Variants in TENM3 observed in about 807,000 individuals in gnomAD.
TENM3 encodes teneurin-3.
TENM3 carries 63 observed loss-of-function variants against 255.1 expected under a neutral mutation model. The observed-to-expected ratio is 0.25, with a 90% CI of 0.20 to 0.30. The LOEUF is 0.30. Among genes scored for constraint, TENM3 ranks in the 10% least tolerant of loss-of-function variants. The pLI, the probability that TENM3 is intolerant of heterozygous loss-of-function variation, is 1.00. For synonymous variants in TENM3, 1,306 were observed against 1,322.3 expected (o/e 0.99, Z 0.27); for missense variants, 2,929 against 3,461.1 (o/e 0.85, Z 3.86).
At chr4:181,701,282 A>T in the TENM3 span, among the ~76,000 whole-genome samples, 1 of 152,206 alleles carries the variant, frequency 6.6e-6, no homozygotes, top group Middle Eastern at 3.2e-3. Context: ...ACCAGCAGAT[A>T]ATTGTTACTA....
chr4:182,793,148 T>C lies in TENM3; in HGVS notation c.6476T>C (p.Leu2159Pro). 6.2e-7 allele frequency: 1 copy of C among 1,614,000 alleles called. No homozygotes were observed. The highest frequency in any genetic ancestry group is 8.5e-7 in the Non-Finnish European group (1 of 1,179,906). ...WRYNYDLNGNLHLLNPSNSAR... is the reference protein window; with the variant it reads ...WRYNYDLNGNPHLLNPSNSAR... ...TACAACTACGATCTGAATGGAAACC[T>C]CCATTTACTGAACCCAAGTAACAGT... The change falls in exon 26 of 28, where the codon CTC becomes CCC. Residue 2159 changes from leucine to proline, a missense_variant. Around this residue, in one of 6 missense-constraint regions of TENM3, gnomAD observed 256 missense variants for 389.3 expected, o/e 0.66. Coordinates refer to ENST00000511685, the MANE Select transcript of TENM3 (RefSeq NM_001080477.4). The surrounding 1 kb of genome is among the most constrained non-coding windows in gnomAD (Gnocchi z 5.7).
At chr4:181,763,070 T>C in the TENM3 span, among the ~76,000 whole-genome samples, 1 of 152,234 alleles carries the variant, frequency 6.6e-6, no homozygotes, top group South Asian at 2.1e-4. Flanking sequence ...AAGTGGATGA[T>C]GATTGATGAC....
At chr4:182,315,718 G>C (rs1284500084) in intron 1 of TENM3, among the ~76,000 whole-genome samples, 1 of 151,644 alleles carries the variant, frequency 6.6e-6, no homozygotes, top group Non-Finnish European at 1.5e-5. Flanking sequence ...CTGGAATTTT[G>C]ACCACATGTA....
At chr4:182,609,005 C>T (rs756664728) in intron 4 of TENM3, among the ~76,000 whole-genome samples, 3 of 149,418 alleles carry the variant, frequency 2.0e-5, no homozygotes, top group African/African-American at 5.2e-5. Flanking sequence ...GCTGGAGGGA[C>T]TGGAGGGTAT....
At chr4:182,477,485 C>T (rs1733786056) in intron 3 of TENM3, among the ~76,000 whole-genome samples, 1 of 152,160 alleles carries the variant, frequency 6.6e-6, no homozygotes, top group Admixed American at 6.6e-5. Context: ...TTTATGGTCA[C>T]AGAGTTCCTA....
intron 3 of TENM3, among the ~76,000 whole-genome samples, chr4:182,414,991 A>C (rs896895945): frequency 6.6e-6 from 1 of 152,230 alleles, no homozygotes; most frequent in Non-Finnish European, 1.5e-5. Flanking sequence ...CTAGTTTTCA[A>C]CCTTCGTTAT....
chr4:182,350,159 G>A (rs182912771), intron 3 of TENM3: 1 of 155,428 alleles, frequency 6.4e-6, no homozygotes, highest in African/African-American at 2.4e-5. Context: ...TTGATAAAGA[G>A]GCCAACAGTT....
At chr4:182,178,326 T>C (rs984097572) in intron 1 of TENM3, among the ~76,000 whole-genome samples, 1 of 152,126 alleles carries the variant, frequency 6.6e-6, no homozygotes, top group Non-Finnish European at 1.5e-5. Context: ...AGCCCAGGGA[T>C]AGAACTTTCC....
chr4:181,590,383 A>G, the TENM3 span, among the ~76,000 whole-genome samples: 1 of 152,000 alleles, frequency 6.6e-6, no homozygotes, highest in Admixed American at 6.6e-5. Context: ...GAGAAAACAA[A>G]CTCCTGTCCG....
At chr4:181,647,591 A>G in the TENM3 span, among the ~76,000 whole-genome samples, 17 of 152,166 alleles carry the variant, frequency 1.1e-4, no homozygotes, top group Non-Finnish European at 1.8e-4. Flanking sequence ...CGCAAGATAA[A>G]ACAACAAATA....
intron 22 of TENM3, among the ~76,000 whole-genome samples, chr4:182,772,358 A>G (rs1454563010): frequency 6.6e-6 from 1 of 152,124 alleles, no homozygotes; most frequent in Non-Finnish European, 1.5e-5. Context: ...CTGCCCTGGT[A>G]ACCTGTCTTT....
At chr4:182,747,130 AAG>A (rs1328640842) in intron 19 of TENM3, among the ~76,000 whole-genome samples, 1 of 152,158 alleles carries the variant, frequency 6.6e-6, no homozygotes, top group African/African-American at 2.4e-5. Flanking sequence ...TAGGAAGAAA[AAG>A]AAATGGAAAA....
rs865996829 is a variant in TENM3 at position 182,616,522 on chromosome 4, T to A, written c.750-12129T>A. Among the ~76,000 whole-genome samples the A allele has an allele frequency of 7.4e-3, 700 of 94,048 alleles. 1 individual carries two copies. Among genetic ancestry groups the A allele is most frequent in the Non-Finnish European group, 8.5e-3 (423 of 50,026 alleles). 61.7% of individuals were successfully genotyped at this position (94,048 alleles called of 152,430 possible). A position where few individuals can be genotyped will look rare whatever the true frequency, so the allele number is the denominator to read the frequency against. On this transcript the variant is annotated intron_variant, in intron 4 of 27. Transcript: ENST00000511685. ...ATGTACCCTAAAACTTAAAGTATAATAAAAAAAAAAAAAAAAAGGTCAGGA... is the reference window on the plus strand; with the variant it reads ...ATGTACCCTAAAACTTAAAGTATAAAAAAAAAAAAAAAAAAAAGGTCAGGA...
chr4:181,968,746 G>A, the TENM3 span, among the ~76,000 whole-genome samples: 66 of 152,166 alleles, frequency 4.3e-4, no homozygotes, highest in East Asian at 1.2e-3. Context: ...GAGATCTTTC[G>A]TACAACATTG....
chr4:182,291,628 T>C (rs774751332), intron 1 of TENM3, among the ~76,000 whole-genome samples: 7 of 152,134 alleles, frequency 4.6e-5, no homozygotes, highest in African/African-American at 1.4e-4. Flanking sequence ...CGTTATGTGA[T>C]GTGCTTCAGG....
At chr4:181,763,613 A>C in the TENM3 span, among the ~76,000 whole-genome samples, 1 of 152,214 alleles carries the variant, frequency 6.6e-6, no homozygotes, top group East Asian at 1.9e-4. Flanking sequence ...TTAATTATCT[A>C]TGGCTGCTTT....
chr4:182,028,138 GA>G, the TENM3 span, among the ~76,000 whole-genome samples: 1 of 152,194 alleles, frequency 6.6e-6, no homozygotes, highest in African/African-American at 2.4e-5. Flanking sequence ...TCACGGCTTT[GA>G]TCTCATTACT....
At chr4:182,374,027 G>A (rs1304790529) in intron 3 of TENM3, among the ~76,000 whole-genome samples, 1 of 151,318 alleles carries the variant, frequency 6.6e-6, no homozygotes, top group Non-Finnish European at 1.5e-5. Context: ...ACCTACCAGT[G>A]TGTATAGTAT....
intron 1 of TENM3, among the ~76,000 whole-genome samples, chr4:182,283,233 T>C (rs1323992418): frequency 9.2e-5 from 14 of 152,254 alleles, no homozygotes; most frequent in Non-Finnish European, 1.6e-4. Flanking sequence ...GTAAATAATA[T>C]GATAAACCAT....
Sources: gnomAD v4.1 joint callset for allele counts (sites outside exome capture counted in the v4.1 genomes callset) on GRCh38, gnomAD v4.1.1 for gene constraint, gnomAD v4.1.1 regional missense constraint, Gnocchi (gnomAD v3.1) non-coding constraint, MANE v1.5 for transcripts, NCBI Gene and HGNC (gene_info 2026-07-23, HGNC 2026-07-21) for gene names.